Variants in EPHA4 observed in about 807,000 individuals in gnomAD.
EPHA4 encodes EPH receptor A4.
EPHA4 carries 19 observed loss-of-function variants against 108.3 expected under a neutral mutation model. That is an observed-to-expected ratio of 0.18 (90% CI 0.12 to 0.26). The LOEUF (loss-of-function observed/expected upper bound fraction) is 0.26. Among genes scored for constraint, EPHA4 ranks in the 10% least tolerant of loss-of-function variants. EPHA4 has a pLI of 1.00. For synonymous variants in EPHA4, 449 were observed against 455.5 expected (o/e 0.99, Z 0.18); for missense variants, 917 against 1,254.0 (o/e 0.73, Z 4.06).
intron 3 of EPHA4, among the ~76,000 whole-genome samples, chr2:221,555,871 G>A (rs950673491): frequency 2.0e-5 from 3 of 152,180 alleles, no homozygotes; most frequent in Non-Finnish European, 2.9e-5. Flanking sequence ...AAAGGGTTGA[G>A]TAAATAAAAT....
chr2:221,488,123 A>C (rs1351885440), intron 4 of EPHA4, among the ~76,000 whole-genome samples: 1 of 152,164 alleles, frequency 6.6e-6, no homozygotes, highest in Non-Finnish European at 1.5e-5. Context: ...GCCATAGACA[A>C]TACCTTAACA....
chr2:221,518,003 G>C (rs1417319783), intron 3 of EPHA4, among the ~76,000 whole-genome samples: 1 of 152,240 alleles, frequency 6.6e-6, no homozygotes, highest in African/African-American at 2.4e-5. Context: ...AGTGAGTTAT[G>C]AGGTTTCAGG....
intron 3 of EPHA4, among the ~76,000 whole-genome samples, chr2:221,525,122 T>C (rs1025297816): frequency 2.6e-5 from 4 of 152,178 alleles, no homozygotes; most frequent in African/African-American, 9.7e-5. Context: ...AAGAATGTGA[T>C]AAAAATTGAC....
At chr2:221,467,196 G>A (rs903775775) in intron 5 of EPHA4, among the ~76,000 whole-genome samples, 1 of 152,156 alleles carries the variant, frequency 6.6e-6, no homozygotes, top group Non-Finnish European at 1.5e-5. Flanking sequence ...GAAGGGGTAA[G>A]GATACAAGAC....
chr2:221,541,048 G>T (rs1306772850), intron 3 of EPHA4, among the ~76,000 whole-genome samples: 1 of 151,486 alleles, frequency 6.6e-6, no homozygotes, highest in Non-Finnish European at 1.5e-5. Flanking sequence ...CTGGGTTCAG[G>T]TGAGCCTCCC....
At chr2:221,485,331 C>T (rs146111736) in intron 4 of EPHA4, among the ~76,000 whole-genome samples, 3 of 152,096 alleles carry the variant, frequency 2.0e-5, no homozygotes, top group South Asian at 2.1e-4. Flanking sequence ...AGGGCTGGCA[C>T]GAAAACACGT....
At chr2:221,523,598 T>TG (rs1454829333) in intron 3 of EPHA4, among the ~76,000 whole-genome samples, 57 of 138,668 alleles carry the variant, frequency 4.1e-4, no homozygotes, top group South Asian at 1.7e-3. Context: ...GAATATTTTT[T>TG]AGTAACTTTT....
intron 3 of EPHA4, among the ~76,000 whole-genome samples, 194 bp downstream of exon 3, chr2:221,563,537 A>G (rs1490670201): frequency 1.3e-5 from 2 of 152,198 alleles, no homozygotes; most frequent in African/African-American, 4.8e-5. Context: ...TTACAGCAGC[A>G]TCATTTATTT....
At chr2:221,496,079 G>T (rs2106153194) in intron 4 of EPHA4, among the ~76,000 whole-genome samples, 2 of 152,282 alleles carry the variant, frequency 1.3e-5, no homozygotes, top group Admixed American at 1.3e-4. Context: ...TGATGTTTAT[G>T]CTGCTTCCCA....
intron 4 of EPHA4, among the ~76,000 whole-genome samples, chr2:221,498,665 G>A (rs77034030): frequency 2.0e-5 from 3 of 151,464 alleles, no homozygotes; most frequent in Non-Finnish European, 2.9e-5. Flanking sequence ...CCAGGCTGGA[G>A]TGCAGTGATG....
intron 4 of EPHA4, among the ~76,000 whole-genome samples, chr2:221,483,959 A>G (rs999055645): frequency 3.3e-5 from 5 of 152,210 alleles, no homozygotes. Context: ...ACTCAGTTTG[A>G]CAGTTGGAAA....
At chr2:221,435,380 T>C (rs1690199771) in intron 13 of EPHA4, among the ~76,000 whole-genome samples, 1 of 150,698 alleles carries the variant, frequency 6.6e-6, no homozygotes, top group Non-Finnish European at 1.5e-5. Context: ...TTCACAAAGA[T>C]CTATTCTTTT....
Position 221,520,586 on chromosome 2 carries a change from G to C in EPHA4, c.824-19414C>G, listed in dbSNP as rs550587475. 4.9e-4 allele frequency among the ~76,000 whole-genome samples: 75 copies of C among 152,004 alleles called. No individual in the cohort carries two copies. The South Asian group carries it at 0.012, about 25-fold the overall frequency. On this transcript the variant is annotated intron_variant, in intron 3 of 17. Transcript: ENST00000281821. ...GCAAGAGGGGGGAGAGAGAGAGAGA[G>C]AGAAACACAGACAGTGCCTATTATC...
chr2:221,563,553 G>A (rs1222810259), intron 3 of EPHA4, among the ~76,000 whole-genome samples, 178 bp downstream of exon 3: 1 of 152,176 alleles, frequency 6.6e-6, no homozygotes, highest in Non-Finnish European at 1.5e-5. Context: ...TATTTTGTCA[G>A]TATTAGAAAC....
chr2:221,464,316 C>A (rs985918927), intron 5 of EPHA4, among the ~76,000 whole-genome samples: 7 of 152,120 alleles, frequency 4.6e-5, no homozygotes, highest in African/African-American at 1.2e-4. Context: ...GTTCCCATTT[C>A]TTTCTCAATT....
chr2:221,544,483 G>T (rs1366021559), intron 3 of EPHA4, among the ~76,000 whole-genome samples: 1 of 152,062 alleles, frequency 6.6e-6, no homozygotes, highest in African/African-American at 2.4e-5. Context: ...GCACCACCAG[G>T]CCCTACTAAT....
At chr2:221,481,571 T>C (rs952585114) in intron 5 of EPHA4, among the ~76,000 whole-genome samples, 1 of 152,100 alleles carries the variant, frequency 6.6e-6, no homozygotes, top group Non-Finnish European at 1.5e-5. Flanking sequence ...GAAGAATTGG[T>C]TGAACTCCAG....
At chr2:221,533,060 C>G (rs1022696588) in intron 3 of EPHA4, 5 of 152,006 alleles carry the variant, frequency 3.3e-5, no homozygotes, top group Non-Finnish European at 5.9e-5. Flanking sequence ...TTAGTTGGAA[C>G]AGGGAGATGA....
chr2:221,460,358 C>A (rs900890083), intron 5 of EPHA4, among the ~76,000 whole-genome samples: 1 of 152,128 alleles, frequency 6.6e-6, no homozygotes, highest in Non-Finnish European at 1.5e-5. Flanking sequence ...TCTTTCATAC[C>A]TACTGGAGAG....
Sources: allele counts gnomAD v4.1 joint callset (sites outside exome capture counted in the v4.1 genomes callset), GRCh38; gene constraint gnomAD v4.1.1; transcripts MANE v1.5; gene names NCBI Gene and HGNC (gene_info 2026-07-23, HGNC 2026-07-21).